MSN: variants seen among roughly 807,000 people sequenced by gnomAD.
MSN encodes epididymis luminal protein 70.
Under a neutral mutation model 48.0 loss-of-function variants are expected in MSN, and 2 were observed. The observed-to-expected ratio is 0.04, with a 90% confidence interval of 0.02 to 0.13. The LOEUF (loss-of-function observed/expected upper bound fraction) is 0.13, where lower values mean the gene tolerates loss of function less well. Among genes scored for constraint, MSN ranks in the 10% least tolerant of loss-of-function variants. The pLI is 1.00. For synonymous variants in MSN, 146 were observed against 166.9 expected, an observed-to-expected ratio of 0.87 and a Z score of 0.97; for missense variants, 267 against 470.1, an observed-to-expected ratio of 0.57 and a Z score of 3.99.
At chrX:65,687,345 C>G (rs1034393526) in intron 1 of MSN, among the ~76,000 whole-genome samples, 2 of 111,352 alleles carry the variant, frequency 1.8e-5, no homozygotes, top group Admixed American at 1.9e-4. Flanking sequence ...GAGACTCTCT[C>G]AAAAAACAAA....
chrX:65,590,242 C>A (rs1326574921), intron 1 of MSN, among the ~76,000 whole-genome samples: 1 of 111,314 alleles, frequency 9.0e-6, no homozygotes, highest in Admixed American at 9.6e-5. Flanking sequence ...CTTATTGGGG[C>A]CTGGCAGAAG....
intron 1 of MSN, among the ~76,000 whole-genome samples, chrX:65,670,175 C>T (rs751139607): frequency 3.5e-4 from 39 of 111,901 alleles, no homozygotes; most frequent in African/African-American, 1.1e-3. Flanking sequence ...ATACCAAGGC[C>T]AAGGTGTTCA....
At chrX:65,593,686 G>A (rs2070165803) in intron 1 of MSN, among the ~76,000 whole-genome samples, 1 of 111,895 alleles carries the variant, frequency 8.9e-6, no homozygotes, top group South Asian at 3.8e-4. Context: ...CGGATTACAG[G>A]CGCATGCCAC....
chrX:65,591,643 C>A (rs772935294), intron 1 of MSN, among the ~76,000 whole-genome samples: 1 of 111,972 alleles, frequency 8.9e-6, no homozygotes, highest in African/African-American at 3.2e-5. Flanking sequence ...CCATTACCTG[C>A]AGGTCATACT....
chrX:65,676,356 G>A (rs1041435911), intron 1 of MSN, among the ~76,000 whole-genome samples: 7 of 111,978 alleles, frequency 6.3e-5, no homozygotes, highest in Non-Finnish European at 3.8e-5. Context: ...ATAGCTCTTA[G>A]GCCACTAATA....
In MSN at chrX:65,741,767, G is replaced by T; in HGVS notation, c.*1874G>T. The T allele has an allele frequency of 6.0e-6, 1 of 167,777 alleles. No individual in the cohort carries two copies. Among genetic ancestry groups the T allele is most frequent in the Non-Finnish European group, 1.2e-5 (1 of 86,496 alleles). The allele number at this position is 167,777 out of a possible 1,213,427, so 13.8% of individuals were successfully genotyped here. A position where few individuals can be genotyped will look rare whatever the true frequency, so the allele number is the denominator to read the frequency against. On this transcript the variant is annotated 3_prime_UTR_variant, in exon 13 of 13. Transcript: ENST00000360270. ...ATTGTGGGGCAATCTATTAATAGCTGCCTTAAAGTCAGTAACTTACCCTTA... is the reference window on the plus strand; with the variant it reads ...ATTGTGGGGCAATCTATTAATAGCTTCCTTAAAGTCAGTAACTTACCCTTA...
intron 6 of MSN, 48 bp from the exon 7 acceptor site, chrX:65,733,136 C>G (rs376327319): frequency 1.9e-6 from 2 of 1,036,039 alleles, no homozygotes; most frequent in Non-Finnish European, 2.7e-6. Flanking sequence ...TCTCTACACC[C>G]TTCTTGTCTT....
At chrX:65,730,374 T>A (rs1240691512) in intron 4 of MSN, among the ~76,000 whole-genome samples, 2 of 111,654 alleles carry the variant, frequency 1.8e-5, no homozygotes, top group Non-Finnish European at 3.8e-5. Context: ...ATTTTAACAC[T>A]AAGTTTTTTC....
intron 1 of MSN, among the ~76,000 whole-genome samples, chrX:65,651,561 TTTATTA>T (rs35256397): frequency 0.16 from 14,942 of 94,354 alleles, 2,995 homozygotes; most frequent in African/African-American, 0.54. Context: ...AGAAGTAATA[TTTATTA>T]TTATTATTAT....
chrX:65,637,348 G>C (rs1303702425), intron 1 of MSN, among the ~76,000 whole-genome samples: 2 of 107,285 alleles, frequency 1.9e-5, no homozygotes, highest in Non-Finnish European at 3.9e-5. Flanking sequence ...GTTGCGGTGA[G>C]CCGAGATCAT....
chrX:65,638,895 G>A (rs1255233495), intron 1 of MSN, among the ~76,000 whole-genome samples: 1 of 112,098 alleles, frequency 8.9e-6, no homozygotes, highest in East Asian at 2.8e-4. Context: ...ATTTCCTAGT[G>A]TGATCTTCAG....
At chrX:65,715,578 T>C (rs2071455922) in intron 1 of MSN, among the ~76,000 whole-genome samples, 1 of 112,016 alleles carries the variant, frequency 8.9e-6, no homozygotes, top group Admixed American at 9.5e-5. Context: ...ATTTATTCTT[T>C]TGTGGCAGTT....
chrX:65,599,340 A>G (rs2070212914), intron 1 of MSN, among the ~76,000 whole-genome samples: 1 of 112,161 alleles, frequency 8.9e-6, no homozygotes, highest in Admixed American at 9.4e-5. Flanking sequence ...TTCTTTAAAA[A>G]AATTCAAAGT....
chrX:65,732,521 G>A (rs917934276), intron 6 of MSN, among the ~76,000 whole-genome samples: 2 of 111,396 alleles, frequency 1.8e-5, no homozygotes, highest in African/African-American at 6.5e-5. Context: ...TTTGTAATTA[G>A]TCTCCTGTGA....
At chrX:65,706,085 G>A (rs1444634842) in intron 1 of MSN, among the ~76,000 whole-genome samples, 3 of 111,663 alleles carry the variant, frequency 2.7e-5, no homozygotes, top group Non-Finnish European at 5.6e-5. Flanking sequence ...AGTCAGTGAA[G>A]GAAGAGGAGG....
chrX:65,697,321 A>T (rs2071254428), intron 1 of MSN, among the ~76,000 whole-genome samples: 1 of 111,693 alleles, frequency 9.0e-6, no homozygotes, highest in African/African-American at 3.3e-5. Context: ...CTGTGGAATG[A>T]CATCTGCCTT....
chrX:65,593,005 C>A lies in MSN; in HGVS notation c.-22+4393C>A, dbSNP rs964942986. ...GCAATGAGCCTAGATCACGTCACTG[C>A]ACTCTAGCCTGGGAGACAGAGAGGG... On this transcript the variant is annotated intron_variant, in intron 1 of 3. Transcript: ENST00000609672. Among the ~76,000 whole-genome samples the A allele has an allele frequency of 2.7e-5, 3 of 111,723 alleles. No individual in the cohort carries two copies. In the Admixed American group the frequency reaches 2.8e-4, roughly 11 times the overall value.
intron 1 of MSN, among the ~76,000 whole-genome samples, chrX:65,644,060 T>A (rs964116216): frequency 8.9e-6 from 1 of 112,049 alleles, no homozygotes; most frequent in Admixed American, 9.5e-5. Flanking sequence ...AGCTTTTAAA[T>A]CCTTGTTCTG....
chrX:65,626,168 A>C (rs1050180605), intron 1 of MSN, among the ~76,000 whole-genome samples: 5 of 110,261 alleles, frequency 4.5e-5, no homozygotes, highest in Non-Finnish European at 7.6e-5. Flanking sequence ...GTTAGCCAGG[A>C]TGGTCTCGAT....
Sources: gnomAD v4.1 joint callset for allele counts (sites outside exome capture counted in the v4.1 genomes callset) on GRCh38, gnomAD v4.1.1 for gene constraint, MANE v1.5 for transcripts, NCBI Gene and HGNC (gene_info 2026-07-23, HGNC 2026-07-21) for gene names.